The following TMC1 variants were observed in gnomAD, a reference collection of about 807,000 sequenced individuals.
TMC1 encodes the protein transmembrane channel-like protein 1.
In TMC1, 84 loss-of-function variants were observed where a neutral mutation model predicts 105.8. That is an observed-to-expected ratio of 0.79 (90% CI 0.67 to 0.95). The LOEUF is 0.95. Among genes scored for constraint, TMC1 ranks in the 40% least tolerant of loss-of-function variants. TMC1 has a pLI of 0.00. For missense variants in TMC1, 817 were observed against 914.1 expected, an observed-to-expected ratio of 0.89 and a Z score of 1.37; for synonymous variants, 315 against 311.5, an observed-to-expected ratio of 1.01 and a Z score of -0.12.
At chr9:72,818,061 G>A (rs1055170019) in intron 19 of TMC1, among the ~76,000 whole-genome samples, 1 of 152,160 alleles carries the variant, frequency 6.6e-6, no homozygotes, top group East Asian at 1.9e-4. Context: ...ATGTCATGTA[G>A]AGGGAGGTGT....
chr9:72,659,858 A>G (rs1226373354), intron 5 of TMC1, among the ~76,000 whole-genome samples: 1 of 152,046 alleles, frequency 6.6e-6, no homozygotes, highest in Non-Finnish European at 1.5e-5. Flanking sequence ...TCTTTTGTGC[A>G]CTCTGTTCTG....
chr9:72,612,284 C>T (rs1000639766), intron 2 of TMC1, among the ~76,000 whole-genome samples: 9 of 152,276 alleles, frequency 5.9e-5, no homozygotes, highest in African/African-American at 2.2e-4. Flanking sequence ...GATCCTTCCA[C>T]CTCAGCCTCT....
At chr9:72,525,725 C>T (rs568864882) in intron 1 of TMC1, among the ~76,000 whole-genome samples, 6 of 152,344 alleles carry the variant, frequency 3.9e-5, no homozygotes, top group Non-Finnish European at 7.3e-5. Context: ...CGGTGGCTCA[C>T]GCCTGTAATC....
intron 2 of TMC1, among the ~76,000 whole-genome samples, chr9:72,611,494 T>A (rs990547158): frequency 6.6e-6 from 1 of 152,072 alleles, no homozygotes. Flanking sequence ...TCCCTGTTGT[T>A]TGATATTATG....
intron 17 of TMC1, among the ~76,000 whole-genome samples, chr9:72,794,320 A>G (rs1828327818): frequency 6.6e-6 from 1 of 152,166 alleles, no homozygotes; most frequent in Non-Finnish European, 1.5e-5. Flanking sequence ...GCAGCCCAGG[A>G]GTGCCAAGCC....
chr9:72,788,573 A>T, intron 14 of TMC1, 90 bp downstream of exon 14: 11 of 1,323,764 alleles, frequency 8.3e-6, no homozygotes, highest in Non-Finnish European at 1.2e-5. Flanking sequence ...CAGTATCTTG[A>T]CAATTTACAT....
intron 4 of TMC1, among the ~76,000 whole-genome samples, chr9:72,646,745 A>T (rs1400692704): frequency 2.0e-5 from 3 of 151,888 alleles, no homozygotes; most frequent in African/African-American, 4.8e-5. Flanking sequence ...ATCCTAACAT[A>T]TGAAGTATCT....
At chr9:72,719,549 C>T (rs779388766) in intron 8 of TMC1, among the ~76,000 whole-genome samples, 1 of 152,198 alleles carries the variant, frequency 6.6e-6, no homozygotes, top group Non-Finnish European at 1.5e-5. Flanking sequence ...TGGGCTGTCT[C>T]CCAAGTCCTG....
At chr9:72,731,354 A>G (rs2487465) in intron 8 of TMC1, among the ~76,000 whole-genome samples, 34,725 of 152,082 alleles carry the variant, frequency 0.23, 4,281 homozygotes, top group East Asian at 0.39. Flanking sequence ...GGGGTGGAGG[A>G]GATTGTTGGA....
At chr9:72,811,918 C>A (rs977218018) in intron 18 of TMC1, among the ~76,000 whole-genome samples, 1 of 152,112 alleles carries the variant, frequency 6.6e-6, no homozygotes, top group Non-Finnish European at 1.5e-5. Context: ...TCCATGTGAT[C>A]GTACCAGCAA....
chr9:72,773,827 C>A (rs1374447800), intron 13 of TMC1, among the ~76,000 whole-genome samples: 3 of 152,090 alleles, frequency 2.0e-5, no homozygotes, highest in Non-Finnish European at 2.9e-5. Context: ...TACCCCACAG[C>A]CATTCTGCCT....
At chr9:72,536,764 G>A (rs139323890) in intron 1 of TMC1, among the ~76,000 whole-genome samples, 10 of 152,322 alleles carry the variant, frequency 6.6e-5, no homozygotes, top group Non-Finnish European at 1.2e-4. Flanking sequence ...TGCAGCCCAC[G>A]TGACTGCTCT....
intron 8 of TMC1, among the ~76,000 whole-genome samples, chr9:72,707,134 C>CACA (rs1292381570): frequency 7.2e-5 from 11 of 152,088 alleles, no homozygotes; most frequent in Non-Finnish European, 1.0e-4. Flanking sequence ...GTATATATAC[C>CACA]ACAATTTCTT....
intron 23 of TMC1, among the ~76,000 whole-genome samples, chr9:72,834,694 C>G (rs1348382979): frequency 6.6e-6 from 1 of 152,100 alleles, no homozygotes; most frequent in African/African-American, 2.4e-5. Flanking sequence ...GGTCTTCTAA[C>G]CCAGAAGCAT....
intron 17 of TMC1, among the ~76,000 whole-genome samples, chr9:72,803,294 G>A (rs1828508807): frequency 6.6e-6 from 1 of 152,070 alleles, no homozygotes; most frequent in African/African-American, 2.4e-5. Context: ...AGAAAATCTA[G>A]GCAATACCAT....
chr9:72,829,338 GAA>G (rs1039567204), intron 21 of TMC1, among the ~76,000 whole-genome samples: 14 of 152,156 alleles, frequency 9.2e-5, no homozygotes, highest in Admixed American at 2.0e-4. Context: ...TTGGAGACTA[GAA>G]AAAGATTTGT....
intron 20 of TMC1, among the ~76,000 whole-genome samples, chr9:72,823,033 ATTTG>A (rs1828900410): frequency 6.6e-6 from 1 of 152,218 alleles, no homozygotes; most frequent in South Asian, 2.1e-4. Context: ...AAAATTATTT[ATTTG>A]TTTTTTAATT....
chr9:72,824,103 G>A (rs557700736), intron 20 of TMC1, among the ~76,000 whole-genome samples: 19 of 152,360 alleles, frequency 1.2e-4, no homozygotes, highest in East Asian at 3.9e-4. Flanking sequence ...AAGTGAGTGC[G>A]GGATCTGGCG....
chr9:72,770,743 G>A (rs1479950597), intron 12 of TMC1, among the ~76,000 whole-genome samples: 1 of 152,110 alleles, frequency 6.6e-6, no homozygotes, highest in African/African-American at 2.4e-5. Context: ...CTGTAATTCA[G>A]TCTGAATCTG....
Sources: allele counts gnomAD v4.1 joint callset (sites outside exome capture counted in the v4.1 genomes callset), GRCh38; gene constraint gnomAD v4.1.1; transcripts MANE v1.5; gene names NCBI Gene and HGNC (gene_info 2026-07-23, HGNC 2026-07-21).